PPP1R9A: variants seen among roughly 807,000 people sequenced by gnomAD.
PPP1R9A encodes protein phosphatase 1 regulatory subunit 9A, also known as neurabin-1.
A neutral mutation model predicts 141.9 loss-of-function variants in PPP1R9A; 59 were observed. The observed-to-expected ratio is 0.42, with a 90% CI of 0.34 to 0.52. PPP1R9A has a LOEUF of 0.52. Among genes scored for constraint, PPP1R9A ranks in the 20% least tolerant of loss-of-function variants. PPP1R9A has a pLI of 0.10. For missense variants in PPP1R9A, 1,444 were observed against 1,611.9 expected (o/e 0.90, Z 1.78); for synonymous variants, 500 against 569.7 (o/e 0.88, Z 1.74).
intron 2 of PPP1R9A, among the ~76,000 whole-genome samples, chr7:95,082,289 C>G (rs1563211255): frequency 1.3e-5 from 2 of 152,180 alleles, no homozygotes; most frequent in Admixed American, 1.3e-4. Flanking sequence ...CTGACACATT[C>G]TTGGGAATTC....
chr7:95,227,118 C>A (rs1795245084), intron 8 of PPP1R9A, among the ~76,000 whole-genome samples: 1 of 152,162 alleles, frequency 6.6e-6, no homozygotes, highest in African/African-American at 2.4e-5. Context: ...AATCTAGTTA[C>A]CTGTTTCTCT....
intron 2 of PPP1R9A, among the ~76,000 whole-genome samples, chr7:94,944,606 A>G (rs1795700039): frequency 6.6e-6 from 1 of 152,166 alleles, no homozygotes; most frequent in Non-Finnish European, 1.5e-5. Context: ...GTGATGACCT[A>G]GTGATCAGAA....
At chr7:95,046,677 T>C (rs1025917804) in intron 2 of PPP1R9A, among the ~76,000 whole-genome samples, 9 of 152,202 alleles carry the variant, frequency 5.9e-5, no homozygotes, top group Admixed American at 5.9e-4. Context: ...GCATTTTAGC[T>C]ATGGGGACAT....
chr7:95,139,222 G>A (rs112220208), intron 4 of PPP1R9A, among the ~76,000 whole-genome samples: 221 of 152,288 alleles, frequency 1.5e-3, no homozygotes, highest in African/African-American at 5.2e-3. Flanking sequence ...CATGGCAGAA[G>A]GCACCTCCTC....
intron 18 of PPP1R9A, 58 bp downstream of exon 18, chr7:95,286,383 A>G (rs1805336693): frequency 1.3e-6 from 2 of 1,594,420 alleles, no homozygotes; most frequent in Non-Finnish European, 1.7e-6. Context: ...TTACCCATGA[A>G]CCATCACCAG....
chr7:95,207,966 C>G (rs1447605474), intron 7 of PPP1R9A, among the ~76,000 whole-genome samples: 1 of 152,006 alleles, frequency 6.6e-6, no homozygotes, highest in Non-Finnish European at 1.5e-5. Flanking sequence ...ACAAAGAAAC[C>G]TTGTTCATGG....
intron 16 of PPP1R9A, among the ~76,000 whole-genome samples, chr7:95,278,876 C>T (rs1434916425): frequency 6.6e-6 from 1 of 152,060 alleles, no homozygotes; most frequent in African/African-American, 2.4e-5. Context: ...GTTTCTTAAC[C>T]TTTCTGTACC....
chr7:95,190,702 T>C (rs1835373699), intron 5 of PPP1R9A, among the ~76,000 whole-genome samples: 1 of 152,196 alleles, frequency 6.6e-6, no homozygotes, highest in Admixed American at 6.5e-5. Flanking sequence ...TTTTGGCCTG[T>C]CTTTCAGAAC....
At position 95,251,964 on chromosome 7, in the gene PPP1R9A, A is replaced by G; in HGVS notation, c.2499A>G (p.Arg833=). The change falls in exon 12 of 20, where the codon AGA becomes AGG. Residue 833 remains arginine (R), a synonymous_variant. Transcript: ENST00000433360. ...VEVQGLQVRI[R]DLEAEVFRLL... ...AATGGATTTGTTTTTCCTAGATTAG[A>G]GATTTGGAAGCTGAGGTATTCAGGC... 6.2e-7 allele frequency: 1 copy of G among 1,605,872 alleles called. No individual in the cohort carries two copies. Among genetic ancestry groups the G allele is most frequent in the Non-Finnish European group, 8.5e-7 (1 of 1,177,830 alleles).
At chr7:94,968,583 G>A (rs1040047334) in intron 2 of PPP1R9A, among the ~76,000 whole-genome samples, 3 of 152,014 alleles carry the variant, frequency 2.0e-5, no homozygotes, top group Admixed American at 1.3e-4. Flanking sequence ...GAGCCTATGT[G>A]TGTCTTAGCA....
Position 94,910,540 on chromosome 7 carries a change from C to T in PPP1R9A, c.427C>T (p.Arg143Ter), listed in dbSNP as rs941242228. 6.2e-7 allele frequency: 1 copy of T among 1,614,076 alleles called. No individual in the cohort carries two copies. The highest frequency in any genetic ancestry group is 2.2e-5 in the East Asian group (1 of 44,868). Residue 143 changes from arginine (R) to a stop codon, truncating the protein, a stop_gained, in exon 2 of 20, where the codon CGA becomes TGA. Coordinates refer to ENST00000433360, the MANE Select transcript of PPP1R9A (RefSeq NM_001166160.2). LOFTEE classifies it high-confidence loss of function. This position sits in a 1 kb window ranked among gnomAD's most constrained non-coding sequence, Gnocchi z 4.5. ...GPSYSKFTET[R>*]KMFERSVHES... ...TTCATATTCCAAGTTCACTGAGACT[C>T]GAAAGATGTTTGAGAGAAGTGTGCA... is the stretch of plus-strand genomic sequence containing the variant.
intron 2 of PPP1R9A, among the ~76,000 whole-genome samples, chr7:95,091,798 A>C (rs371219967): frequency 1.1e-4 from 16 of 143,802 alleles, no homozygotes; most frequent in African/African-American, 4.1e-4. Flanking sequence ...TGCTTATTTT[A>C]GTTTTGGCAT....
At chr7:95,149,455 C>T (rs74664010) in intron 4 of PPP1R9A, among the ~76,000 whole-genome samples, 1,803 of 152,140 alleles carry the variant, frequency 0.012, 45 homozygotes, top group African/African-American at 0.04. Flanking sequence ...ACAATGACAT[C>T]CTTGTCTATG....
At chr7:94,969,401 C>G (rs1287929951) in intron 2 of PPP1R9A, among the ~76,000 whole-genome samples, 1 of 152,068 alleles carries the variant, frequency 6.6e-6, no homozygotes, top group Non-Finnish European at 1.5e-5. Context: ...CAGTCAGGCC[C>G]CCCTGCTGCA....
intron 4 of PPP1R9A, among the ~76,000 whole-genome samples, chr7:95,159,287 GC>G (rs749562647): frequency 6.6e-6 from 1 of 152,014 alleles, no homozygotes; most frequent in Non-Finnish European, 1.5e-5. Context: ...AAACTAAGTT[GC>G]AAAAAGAGAG....
rs147848232 is a variant in PPP1R9A, at chr7:95,217,282, G to T, written c.1957-8679G>T. Among the ~76,000 whole-genome samples, 7 of 152,248 alleles carry T rather than the reference G, an allele frequency of 4.6e-5. No individual in the cohort carries two copies. In the East Asian group the frequency reaches 1.4e-3, roughly 29 times the overall value. ...TGCTGGATTACGTTTATTGATTTGC[G>T]TGTGAGGAACCAGCCTTGCATCCCA... is the stretch of plus-strand genomic sequence containing the variant. On this transcript the variant is annotated intron_variant, in intron 7 of 19. Coordinates refer to ENST00000433360, the MANE Select transcript of PPP1R9A (RefSeq NM_001166160.2).
At chr7:95,107,099 A>T (rs1159937092) in intron 2 of PPP1R9A, among the ~76,000 whole-genome samples, 1 of 151,890 alleles carries the variant, frequency 6.6e-6, no homozygotes, top group Admixed American at 6.6e-5. Flanking sequence ...GGTAGTCTTT[A>T]AAAAAAATCT....
chr7:95,120,738 A>G lies in PPP1R9A; in HGVS notation c.1555A>G (p.Ile519Val). ...KDEDGLGISI[I>V]GMGVGADAGL... ...TGAGGATGGTCTTGGTATAAGTATT[A>G]TTGGAATGGGTGTTGGAGCAGATGC... The change falls in exon 4 of 20, where the codon ATT (isoleucine) becomes GTT (valine). Residue 519 changes from isoleucine (I) to valine (V), a missense_variant. By Grantham distance (29) the Ile-to-Val change is conservative. Coordinates refer to ENST00000433360, the MANE Select transcript of PPP1R9A (RefSeq NM_001166160.2). 1 of 1,613,822 alleles carries G rather than the reference A, an allele frequency of 6.2e-7. No homozygotes were observed. Among genetic ancestry groups the G allele is most frequent in the South Asian group, 1.1e-5 (1 of 91,048 alleles).
chr7:95,235,188 C>CTT (rs1023583592), intron 8 of PPP1R9A, among the ~76,000 whole-genome samples: 3 of 152,156 alleles, frequency 2.0e-5, no homozygotes, highest in Non-Finnish European at 4.4e-5. Context: ...AACTAAAAAG[C>CTT]TTCTGTTCAG....
Sources: gnomAD v4.1 joint callset for allele counts (sites outside exome capture counted in the v4.1 genomes callset) on GRCh38, gnomAD v4.1.1 for gene constraint, Gnocchi (gnomAD v3.1) non-coding constraint, MANE v1.5 for transcripts, NCBI Gene and HGNC (gene_info 2026-07-23, HGNC 2026-07-21) for gene names.